The following TTC4 variants were observed in gnomAD, a reference collection of about 807,000 sequenced individuals.
TTC4 encodes hsp70/Hsp90 co-chaperone CNS1 homolog.
A neutral mutation model predicts 51.9 loss-of-function variants in TTC4; 36 were observed. That is an observed-to-expected ratio of 0.69 (90% confidence interval 0.53 to 0.92). The LOEUF (loss-of-function observed/expected upper bound fraction) is 0.92, where lower values mean the gene tolerates loss of function less well. TTC4 is among the 40% of genes least tolerant of loss of function. TTC4 has a pLI of 0.00. For missense variants in TTC4, 399 were observed against 454.6 expected, an observed-to-expected ratio of 0.88 and a Z score of 1.11; for synonymous variants, 144 against 164.2, an observed-to-expected ratio of 0.88 and a Z score of 0.94.
At chr1:54,730,481 T>C (rs963116922) in intron 6 of TTC4, among the ~76,000 whole-genome samples, 1 of 152,204 alleles carries the variant, frequency 6.6e-6, no homozygotes, top group Non-Finnish European at 1.5e-5. Flanking sequence ...GTTTTCACAC[T>C]ACAGTGGCAG....
rs771538411 is a variant in TTC4 at position 54,717,505 on chromosome 1, C to T, written c.243C>T (p.Thr81=). 4 of 1,595,106 alleles carry T rather than the reference C, an allele frequency of 2.5e-6. No individual in the cohort carries two copies. The highest frequency in any genetic ancestry group is 3.4e-6 in the Non-Finnish European group (4 of 1,173,154). Residue 81 remains threonine, a synonymous_variant, in exon 3 of 10, where the codon ACC becomes ACT. Transcript: ENST00000371281. The part of the protein sequence containing the change: ...EERSPEEQAK[T]YKDEGNDYFK... ...TCTTCTTTGCAGAACAGGCCAAGAC[C>T]TATAAAGATGAGGGCAATGATTACT...
chr1:54,741,402 T>C lies in TTC4; in HGVS notation c.1062-9T>C, dbSNP rs868330033. 2 of 1,611,400 alleles carry C rather than the reference T, an allele frequency of 1.2e-6. No homozygotes were observed. Among genetic ancestry groups the C allele is most frequent in the African/African-American group, 1.3e-5 (1 of 75,018 alleles). On this transcript the variant is annotated splice_polypyrimidine_tract_variant and intron_variant, in intron 9 of 9. Transcript: ENST00000371281. ...ATTAACACCCTCTCTTTTGTTGTGT[T>C]CACGGCAGGTACTTTGTAAAAGCCC...
chr1:54,738,942 C>T (rs1055174013), intron 9 of TTC4, among the ~76,000 whole-genome samples: 3 of 151,776 alleles, frequency 2.0e-5, no homozygotes, highest in Admixed American at 2.0e-4. Context: ...GGATTACAGG[C>T]GAGCCACTGC....
Position 54,737,659 on chromosome 1 carries a change from C to T in TTC4, c.1056C>T (p.His352=), listed in dbSNP as rs149518033. The change falls in exon 9 of 10, where the codon CAC becomes CAT. Residue 352 remains histidine (H), a synonymous_variant. Coordinates refer to ENST00000371281, the MANE Select transcript of TTC4 (RefSeq NM_004623.5). ...AKSTLLQVLQ[H]QRYFVKALTP... ...GCACCTTGCTACAGGTTCTACAGCA[C>T]CAGAGGTGAGTCATCTCATGGCGCT... The T allele has an allele frequency of 3.7e-5, 60 of 1,612,434 alleles. No individual in the cohort carries two copies. The African/African-American group carries it at 7.5e-4, about 20-fold the overall frequency.
intron 5 of TTC4, 81 bp from the exon 6 acceptor site, chr1:54,728,265 G>T: frequency 1.5e-6 from 2 of 1,299,736 alleles, no homozygotes; most frequent in Non-Finnish European, 2.2e-6. Flanking sequence ...AGAGGCCAGA[G>T]ATAATAATTT....
rs1645864637 is a variant in TTC4 at position 54,731,475 on chromosome 1, C to T, written c.682-11C>T. 3.1e-6 allele frequency: 5 copies of T among 1,613,620 alleles called. No homozygotes were observed. Among genetic ancestry groups the T allele is most frequent in the Non-Finnish European group, 4.2e-6 (5 of 1,179,704 alleles). ...GTGCATTATGTGTGTGTGTTTCTGTCTTTAACCCAGGCTAGGAATATCAGG... is the reference window on the plus strand; with the variant it reads ...GTGCATTATGTGTGTGTGTTTCTGTTTTTAACCCAGGCTAGGAATATCAGG... On this transcript the variant is annotated splice_polypyrimidine_tract_variant and intron_variant, in intron 6 of 9. Coordinates refer to ENST00000371281, the MANE Select transcript of TTC4 (RefSeq NM_004623.5).
rs1147990 is a variant in TTC4, at chr1:54,716,627, T to A, written c.139T>A (p.Ser47Thr). 0.55 allele frequency: 879,088 copies of A among 1,611,986 alleles called. 247,383 individuals are homozygous for A. Among genetic ancestry groups the A allele is most frequent in the East Asian group, 0.98 (43,865 of 44,858 alleles). The change falls in exon 2 of 10, where the codon TCG (serine) becomes ACG (threonine). Residue 47 changes from serine to threonine, a missense_variant. By Grantham distance (58) the Ser-to-Thr change is moderately conservative. Around this residue, in one of 3 missense-constraint regions of TTC4, gnomAD observed 316 missense variants for 349.6 expected, o/e 0.90. Transcript: ENST00000371281. ...KEFEKVPLFM[S>T]RAPSEIDPRE... ...ATTTGAAAAGGTCCCCCTATTTATG[T>A]CGAGAGCGCCATCAGAAATTGATCC...
chr1:54,716,736 T>TA lies in TTC4; in HGVS notation c.229+20dup, dbSNP rs773031322. 12 of 1,582,458 alleles carry TA rather than the reference T, an allele frequency of 7.6e-6. No individual in the cohort carries two copies. The East Asian group carries it at 2.5e-4, about 32-fold the overall frequency. On this transcript the variant is annotated intron_variant, in intron 2 of 9. Coordinates refer to ENST00000371281, the MANE Select transcript of TTC4 (RefSeq NM_004623.5). ...CCAGAAGGTATCTTAACATGACTAA[T>TA]ATTTGTTTTGTGTTTCCATTGAACT...
chr1:54,719,587 T>C (rs971909609), intron 3 of TTC4, among the ~76,000 whole-genome samples: 1 of 149,444 alleles, frequency 6.7e-6, no homozygotes, highest in African/African-American at 2.5e-5. Flanking sequence ...CAGTTTGATA[T>C]TCAGTTTTTT....
At chr1:54,733,742 A>G in intron 8 of TTC4, 32 bp downstream of exon 8, 2 of 1,196,062 alleles carry the variant, frequency 1.7e-6, no homozygotes, top group Non-Finnish European at 2.3e-6. Flanking sequence ...TCCTCTATGG[A>G]ATTAATTTTT....
At chr1:54,732,349 T>C (rs1156942781) in intron 7 of TTC4, among the ~76,000 whole-genome samples, 1 of 148,094 alleles carries the variant, frequency 6.8e-6, no homozygotes, top group Non-Finnish European at 1.5e-5. Flanking sequence ...AAAAGAGATA[T>C]ATGTATGTCT....
intron 3 of TTC4, among the ~76,000 whole-genome samples, chr1:54,720,498 T>C (rs1645730713): frequency 6.8e-6 from 1 of 147,764 alleles, no homozygotes; most frequent in African/African-American, 2.6e-5. Context: ...ATTTAGTTTT[T>C]TTTTTTTTTT....
Position 54,737,441 on chromosome 1 carries a change from A to G in TTC4, c.979-141A>G, listed in dbSNP as rs1366388693. Reference sequence around the variant, plus strand: ...GGCATGGCGGGGGGGTACTAAATGCAAAGCACCCAGCTACACAACCATATA... The same window carrying G: ...GGCATGGCGGGGGGGTACTAAATGCGAAGCACCCAGCTACACAACCATATA... On this transcript the variant is annotated intron_variant, in intron 8 of 9. Coordinates refer to ENST00000371281, the MANE Select transcript of TTC4 (RefSeq NM_004623.5). 4.6e-6 allele frequency: 3 copies of G among 651,074 alleles called. No individual in the cohort carries two copies. The East Asian group carries it at 8.6e-5, about 19-fold the overall frequency. The allele number at this position is 651,074 out of a possible 1,614,324, so 40.3% of individuals were successfully genotyped here. A position where few individuals can be genotyped will look rare whatever the true frequency, so the allele number is the denominator to read the frequency against.
chr1:54,717,121 G>A (rs896467077), intron 2 of TTC4, among the ~76,000 whole-genome samples: 1 of 152,112 alleles, frequency 6.6e-6, no homozygotes, highest in Admixed American at 6.6e-5. Context: ...AGGGGAATTT[G>A]CACTCCACAG....
At chr1:54,724,417 C>A (rs1645777262) in intron 5 of TTC4, among the ~76,000 whole-genome samples, 1 of 151,890 alleles carries the variant, frequency 6.6e-6, no homozygotes, top group South Asian at 2.1e-4. Context: ...AGGCGTGCAC[C>A]ACCATGCCAG....
chr1:54,741,378 T>TCAACACCC, intron 9 of TTC4, 33 bp from the exon 10 acceptor site: 1 of 1,561,272 alleles, frequency 6.4e-7, no homozygotes, highest in African/African-American at 1.4e-5. Context: ...TGTAATTAAA[T>TCAACACCC]TAACACCCTC....
rs533997525 is a variant in TTC4, at chr1:54,716,368, C to T, written c.112-232C>T. The stretch of plus-strand genomic sequence containing the variant: ...AAAGTGCCAAGAACATAAGGGCGCT[C>T]AATTAATGGTAATTCCTGCCGCTCT... On this transcript the variant is annotated intron_variant, in intron 1 of 9. Transcript: ENST00000371281. Among the ~76,000 whole-genome samples, 15 of 152,246 alleles carry T rather than the reference C, an allele frequency of 9.9e-5. No homozygotes were observed. In the East Asian group the frequency reaches 2.7e-3, roughly 27 times the overall value.
At position 54,741,699 on chromosome 1, in the gene TTC4, T is replaced by C. The variant is rs1274190261; in HGVS notation, c.*186T>C. The C allele has an allele frequency of 1.7e-6, 1 of 603,450 alleles. No homozygotes were observed. 37.4% of individuals were successfully genotyped at this position (603,450 alleles called of 1,614,324 possible). A position where few individuals can be genotyped will look rare whatever the true frequency, so the allele number is the denominator to read the frequency against. On this transcript the variant is annotated 3_prime_UTR_variant, in exon 10 of 10. Coordinates refer to ENST00000371281, the MANE Select transcript of TTC4 (RefSeq NM_004623.5). The stretch of plus-strand genomic sequence containing the variant: ...TAAACTGCAGCCTCTCTGGCTGGTC[T>C]TCACTTTCCTCAGTTGATATAAAAC...
At position 54,737,423 on chromosome 1, in the gene TTC4, C is replaced by CG. The variant is rs945310298; in HGVS notation, c.979-152dup. The stretch of plus-strand genomic sequence containing the variant: ...AATAGCCTCTTTTACAGTGGCATGG[C>CG]GGGGGGGTACTAAATGCAAAGCACC... On this transcript the variant is annotated intron_variant, in intron 8 of 9. Transcript: ENST00000371281. The CG allele has an allele frequency of 1.5e-4, 87 of 586,962 alleles. No individual in the cohort carries two copies. In the Middle Eastern group the frequency reaches 1.8e-3, roughly 12 times the overall value. The allele number at this position is 586,962 out of a possible 1,614,324, so 36.4% of individuals were successfully genotyped here.
Sources: gnomAD v4.1 joint callset for allele counts (sites outside exome capture counted in the v4.1 genomes callset) on GRCh38, gnomAD v4.1.1 for gene constraint, gnomAD v4.1.1 regional missense constraint, MANE v1.5 for transcripts, NCBI Gene and HGNC (gene_info 2026-07-23, HGNC 2026-07-21) for gene names.